Variants in HAUS2 observed in about 807,000 individuals in gnomAD.
HAUS2 encodes HAUS augmin like complex subunit 2.
A neutral mutation model predicts 21.6 loss-of-function variants in HAUS2; 20 were observed. That is an observed-to-expected ratio of 0.93 (90% confidence interval 0.65 to 1.35). The LOEUF is 1.35. Ranked by LOEUF, HAUS2 falls within the 40% of genes most tolerant of loss-of-function variation. The probability of loss-of-function intolerance (pLI) is 0.00; values close to 1 mark genes in which losing one functional copy is unlikely to be tolerated. For missense variants in HAUS2, 297 were observed against 280.7 expected (o/e 1.06, Z -0.42); for synonymous variants, 113 against 95.6 (o/e 1.18, Z -1.06).
chr15:42,563,416 AAAAAAAAAAAAAAG>A (rs2057870443), intron 4 of HAUS2, among the ~76,000 whole-genome samples: 1 of 146,530 alleles, frequency 6.8e-6, no homozygotes, highest in Non-Finnish European at 1.5e-5. Context: ...ATCTCAAAAA[AAAAAAAAAAAAAAG>A]AAAAGAAAAT....
intron 1 of HAUS2, among the ~76,000 whole-genome samples, chr15:42,549,991 G>C (rs1217955288): frequency 6.6e-6 from 1 of 152,038 alleles, no homozygotes; most frequent in Non-Finnish European, 1.5e-5. Context: ...AGGAGGGCAT[G>C]GGGCAAGTGG....
At position 42,569,461 on chromosome 15, in the gene HAUS2, C is replaced by A. The variant is rs2057939992; in HGVS notation, c.*2645C>A. On this transcript the variant is annotated 3_prime_UTR_variant, in exon 6 of 6. Transcript: ENST00000260372. ...AGCTGGGACTATAGGCACGCGCCAC[C>A]ACGCCTGGCTAATTTTTGTATTTTC... 6.6e-6 allele frequency: 1 copy of A among 152,050 alleles called. No homozygotes were observed. The highest frequency in any genetic ancestry group is 2.1e-4 in the South Asian group (1 of 4,822). 9.4% of individuals were successfully genotyped at this position (152,050 alleles called of 1,614,324 possible).
At chr15:42,555,811 G>A (rs1423745460) in intron 1 of HAUS2, among the ~76,000 whole-genome samples, 1 of 152,096 alleles carries the variant, frequency 6.6e-6, no homozygotes, top group Admixed American at 6.6e-5. Context: ...AATATGTAAG[G>A]CTTTGTGGGC....
At chr15:42,555,187 C>T (rs1296303332) in intron 1 of HAUS2, among the ~76,000 whole-genome samples, 1 of 151,956 alleles carries the variant, frequency 6.6e-6, no homozygotes, top group East Asian at 1.9e-4. Flanking sequence ...GGGGTTTCAC[C>T]ATGTTGGCCA....
chr15:42,559,738 G>C (rs1271192210), intron 3 of HAUS2, among the ~76,000 whole-genome samples: 3 of 152,082 alleles, frequency 2.0e-5, no homozygotes, highest in African/African-American at 7.2e-5. Flanking sequence ...TAATGAGATG[G>C]GGTCTTCCTA....
intron 4 of HAUS2, among the ~76,000 whole-genome samples, 192 bp from the exon 5 acceptor site, chr15:42,563,557 A>T (rs1299101957): frequency 1.3e-5 from 2 of 152,176 alleles, no homozygotes; most frequent in African/African-American, 4.8e-5. Context: ...TTGGATGACA[A>T]GTTGCTTAAA....
Position 42,569,823 on chromosome 15 carries a change from C to T in HAUS2, c.*3007C>T, listed in dbSNP as rs568787549. On this transcript the variant is annotated 3_prime_UTR_variant, in exon 6 of 6. Coordinates refer to ENST00000260372, the MANE Select transcript of HAUS2 (RefSeq NM_018097.3). Reference sequence around the variant, plus strand: ...AGTTGTATTTCATCAAAAATCTGTTCATACCCCACGTTGGTTTCAAAACAT... The same window carrying T: ...AGTTGTATTTCATCAAAAATCTGTTTATACCCCACGTTGGTTTCAAAACAT... The T allele has an allele frequency of 3.3e-5, 5 of 152,192 alleles. No individual in the cohort carries two copies. Among genetic ancestry groups the T allele is most frequent in the Non-Finnish European group, 7.3e-5 (5 of 68,040 alleles). The allele number at this position is 152,192 out of a possible 1,614,324, so 9.4% of individuals were successfully genotyped here. A position where few individuals can be genotyped will look rare whatever the true frequency, so the allele number is the denominator to read the frequency against.
At chr15:42,564,415 G>A (rs570148208) in intron 5 of HAUS2, among the ~76,000 whole-genome samples, 1 of 151,710 alleles carries the variant, frequency 6.6e-6, no homozygotes, top group South Asian at 2.1e-4. Context: ...TCATTGTGCC[G>A]TGGCTATGCT....
chr15:42,549,032 G>A (rs973852375), intron 1 of HAUS2, 67 bp downstream of exon 1: 1 of 1,013,808 alleles, frequency 9.9e-7, no homozygotes, highest in African/African-American at 1.6e-5. Flanking sequence ...GCTGTGAGTT[G>A]GTGCTGCTGG....
rs1344538496 is a variant in HAUS2 at position 42,561,318 on chromosome 15, T to G, written c.305T>G (p.Val102Gly). ...AGCATGAATAATCATTTGGAAGCAG[T>G]GCTGAAAGAGAAGAGATCCCTTAGG... ...LQSMNNHLEAVLKEKRSLRQR... is the reference protein window; with the variant it reads ...LQSMNNHLEAGLKEKRSLRQR... Residue 102 changes from valine (V) to glycine (G), a missense_variant, in exon 4 of 6, where the codon GTG becomes GGG. Coordinates refer to ENST00000260372, the MANE Select transcript of HAUS2 (RefSeq NM_018097.3). 1 of 1,568,006 alleles carries G rather than the reference T, an allele frequency of 6.4e-7. No homozygotes were observed. The highest frequency in any genetic ancestry group is 8.8e-7 in the Non-Finnish European group (1 of 1,138,070).
At chr15:42,560,712 T>C in intron 3 of HAUS2, 1 of 674,514 alleles carries the variant, frequency 1.5e-6, no homozygotes, top group Non-Finnish European at 2.7e-6. Context: ...ACTGATTCTC[T>C]CAAGTAGCTA....
chr15:42,549,495 G>A (rs1251930275), intron 1 of HAUS2, among the ~76,000 whole-genome samples: 1 of 151,794 alleles, frequency 6.6e-6, no homozygotes, highest in Non-Finnish European at 1.5e-5. Flanking sequence ...CGCCCAGGCT[G>A]GAGTGCAGTG....
intron 2 of HAUS2, among the ~76,000 whole-genome samples, chr15:42,558,578 C>T (rs1292756928): frequency 6.6e-6 from 1 of 151,990 alleles, no homozygotes; most frequent in African/African-American, 2.4e-5. Flanking sequence ...CTGCCCGCCT[C>T]GGCCTCCCAA....
At chr15:42,555,946 T>G (rs1046412079) in intron 1 of HAUS2, among the ~76,000 whole-genome samples, 4 of 151,992 alleles carry the variant, frequency 2.6e-5, no homozygotes, top group African/African-American at 9.7e-5. Context: ...GAATTTCAGA[T>G]CATTTTCTTT....
At chr15:42,561,450 TA>T in intron 4 of HAUS2, 48 bp downstream of exon 4, 2 of 1,341,212 alleles carry the variant, frequency 1.5e-6, no homozygotes, top group Non-Finnish European at 2.1e-6. Context: ...TTTCTGAGTT[TA>T]CTTTTTGTTT....
At position 42,563,746 on chromosome 15, in the gene HAUS2, C is replaced by T. The variant is rs766259771; in HGVS notation, c.390-3C>T. On this transcript the variant is annotated splice_region_variant and splice_polypyrimidine_tract_variant and intron_variant, in intron 4 of 5. Coordinates refer to ENST00000260372, the MANE Select transcript of HAUS2 (RefSeq NM_018097.3). The stretch of plus-strand genomic sequence containing the variant: ...ATGGTTGACTTTTTTCTTTCTCTTT[C>T]AGATATATGGTACATTTGCTGGAGT... The T allele has an allele frequency of 7.0e-7, 1 of 1,418,784 alleles. No homozygotes were observed. The highest frequency in any genetic ancestry group is 1.7e-5 in the Admixed American group (1 of 58,488). The allele number at this position is 1,418,784 out of a possible 1,614,324, so 87.9% of individuals were successfully genotyped here. A position where few individuals can be genotyped will look rare whatever the true frequency, so the allele number is the denominator to read the frequency against.
At chr15:42,559,430 A>T (rs762305646) in intron 3 of HAUS2, 22 bp downstream of exon 3, 1 of 1,400,928 alleles carries the variant, frequency 7.1e-7, no homozygotes, top group Non-Finnish European at 1.0e-6. Flanking sequence ...GGTTAAGTGG[A>T]TAATCACTGG....
intron 4 of HAUS2, chr15:42,561,797 G>C: frequency 5.6e-6 from 1 of 180,122 alleles, no homozygotes; most frequent in Non-Finnish European, 1.2e-5. Context: ...AACTAAGGGA[G>C]GAAAAAACCT....
At chr15:42,556,275 T>TTC (rs1192474720) in intron 1 of HAUS2, among the ~76,000 whole-genome samples, 1 of 141,860 alleles carries the variant, frequency 7.0e-6, no homozygotes, top group African/African-American at 2.7e-5. Context: ...TTTTTTTTTT[T>TTC]TTTTTTTTTG....
Sources: allele counts gnomAD v4.1 joint callset (sites outside exome capture counted in the v4.1 genomes callset), GRCh38; gene constraint gnomAD v4.1.1; transcripts MANE v1.5; gene names NCBI Gene and HGNC (gene_info 2026-07-23, HGNC 2026-07-21).